ARHGAP10: variants seen among roughly 807,000 people sequenced by gnomAD.
The protein encoded by ARHGAP10 is rho GTPase-activating protein 10.
In ARHGAP10, 87 loss-of-function variants were observed where a neutral mutation model predicts 108.6. That is an observed-to-expected ratio of 0.80 (90% confidence interval 0.67 to 0.96). ARHGAP10 has a LOEUF of 0.96. Ranked by LOEUF, ARHGAP10 falls within the 40% of genes least tolerant of loss-of-function variation. The pLI is 0.00. For missense variants in ARHGAP10, 939 were observed against 954.5 expected (o/e 0.98, Z 0.21); for synonymous variants, 347 against 341.1 (o/e 1.02, Z -0.19).
rs572568347 is a variant in ARHGAP10 at position 148,063,263 on chromosome 4, T to A, written c.2143T>A (p.Ser715Thr). 6.2e-7 allele frequency: 1 copy of A among 1,614,126 alleles called. No individual in the cohort carries two copies. The highest frequency in any genetic ancestry group is 2.2e-5 in the East Asian group (1 of 44,872). ...ACCCGGGTCGTCCCCTTTCCCCTTTTCTCCTCCTGCTACTGTAGCGGACAA... is the reference window on the plus strand; with the variant it reads ...ACCCGGGTCGTCCCCTTTCCCCTTTACTCCTCCTGCTACTGTAGCGGACAA... ...LSPGSSPFPF[S>T]PPATVADKPP... The change falls in exon 21 of 23, where the codon TCT (serine) becomes ACT (threonine). Residue 715 changes from serine (S) to threonine (T), a missense_variant. Ser to Thr is a moderately conservative substitution (Grantham distance 58). Transcript: ENST00000336498.
intron 18 of ARHGAP10, among the ~76,000 whole-genome samples, chr4:148,013,548 C>T (rs1162802302): frequency 3.3e-5 from 5 of 152,052 alleles, no homozygotes; most frequent in Non-Finnish European, 7.4e-5. Context: ...ATTAGCCGGG[C>T]ATGGTGGCGG....
chr4:147,755,446 T>C lies in ARHGAP10; in HGVS notation c.154+22991T>C, dbSNP rs565663864. 5.3e-5 allele frequency among the ~76,000 whole-genome samples: 8 copies of C among 151,534 alleles called. No individual in the cohort carries two copies. In the East Asian group the frequency reaches 1.4e-3, roughly 26 times the overall value. Reference sequence around the variant, plus strand: ...GCTGAGGCAGGAGAATCGCTTGAACTCAGGAGGCGGAGGTTGCGGTGAGCC... The same window carrying C: ...GCTGAGGCAGGAGAATCGCTTGAACCCAGGAGGCGGAGGTTGCGGTGAGCC... On this transcript the variant is annotated intron_variant, in intron 1 of 22. Coordinates refer to ENST00000336498, the MANE Select transcript of ARHGAP10 (RefSeq NM_024605.4).
intron 22 of ARHGAP10, chr4:148,065,564 T>C (rs1729827434): frequency 6.6e-6 from 1 of 152,192 alleles, no homozygotes; most frequent in African/African-American, 2.4e-5. Context: ...CACCATAACA[T>C]ACATGCAGTT....
chr4:147,838,616 C>T (rs1180955799), intron 3 of ARHGAP10, among the ~76,000 whole-genome samples: 1 of 152,148 alleles, frequency 6.6e-6, no homozygotes, highest in Non-Finnish European at 1.5e-5. Context: ...TCCCTGCAGC[C>T]TCAACCTCTC....
intron 18 of ARHGAP10, among the ~76,000 whole-genome samples, chr4:147,971,776 C>T (rs1739414820): frequency 6.6e-6 from 1 of 152,112 alleles, no homozygotes; most frequent in Non-Finnish European, 1.5e-5. Context: ...TGGGGCCACT[C>T]ATAGTTTTCA....
chr4:147,853,389 T>G (rs1167464840), intron 4 of ARHGAP10, among the ~76,000 whole-genome samples: 1 of 152,244 alleles, frequency 6.6e-6, no homozygotes, highest in Non-Finnish European at 1.5e-5. Context: ...AGTCCAACAG[T>G]AAACATTATT....
chr4:148,045,057 C>T (rs1029142663), intron 19 of ARHGAP10, among the ~76,000 whole-genome samples: 1 of 152,186 alleles, frequency 6.6e-6, no homozygotes, highest in Non-Finnish European at 1.5e-5. Flanking sequence ...CCATCTCCCC[C>T]ACCCTCCCCG....
At chr4:147,961,611 C>T (rs1346810845) in intron 16 of ARHGAP10, among the ~76,000 whole-genome samples, 2 of 152,150 alleles carry the variant, frequency 1.3e-5, no homozygotes, top group African/African-American at 2.4e-5. Flanking sequence ...CTCTCTTTCC[C>T]ATTCTCTTGT....
rs115749446 is a variant in ARHGAP10 at position 147,984,203 on chromosome 4, G to A, written c.1716+17364G>A. Among the ~76,000 whole-genome samples, 895 of 152,260 alleles carry A rather than the reference G, an allele frequency of 5.9e-3. 14 individuals carry two copies. The highest frequency in any genetic ancestry group is 0.021 in the African/African-American group (863 of 41,548). ...GGCGCTTAAGAGTAATAGCTGCCTG[G>A]GGAATGGGCAGAGGGAGGCAACAGA... On this transcript the variant is annotated intron_variant, in intron 18 of 22. Transcript: ENST00000336498.
intron 1 of ARHGAP10, among the ~76,000 whole-genome samples, chr4:147,787,376 A>G (rs781779259): frequency 3.9e-5 from 6 of 152,098 alleles, no homozygotes; most frequent in East Asian, 1.9e-4. Context: ...CATGAACACA[A>G]CATCAGCAGG....
At chr4:148,047,938 T>G (rs1728959497) in intron 20 of ARHGAP10, among the ~76,000 whole-genome samples, 1 of 152,142 alleles carries the variant, frequency 6.6e-6, no homozygotes, top group Non-Finnish European at 1.5e-5. Context: ...TTCTCCTGCC[T>G]CAGCCTCCCA....
At chr4:147,839,108 C>G (rs896961103) in intron 3 of ARHGAP10, among the ~76,000 whole-genome samples, 1 of 137,556 alleles carries the variant, frequency 7.3e-6, no homozygotes, top group African/African-American at 2.8e-5. Context: ...ATCTATCTAT[C>G]TATCTATCTA....
At chr4:147,856,329 C>T (rs1734080043) in intron 4 of ARHGAP10, among the ~76,000 whole-genome samples, 1 of 152,004 alleles carries the variant, frequency 6.6e-6, no homozygotes, top group Non-Finnish European at 1.5e-5. Flanking sequence ...TATTTTAGGC[C>T]CTGTTGACCT....
chr4:147,751,661 C>G (rs1342815493), intron 1 of ARHGAP10, among the ~76,000 whole-genome samples: 1 of 151,948 alleles, frequency 6.6e-6, no homozygotes, highest in East Asian at 1.9e-4. Flanking sequence ...GCCACTGCAC[C>G]TGGCCTTTTT....
At chr4:147,857,725 T>C in intron 5 of ARHGAP10, 71 bp downstream of exon 5, 2 of 1,242,206 alleles carry the variant, frequency 1.6e-6, no homozygotes, top group South Asian at 4.1e-5. Context: ...AAAATGTGCT[T>C]TAATTTGGAT....
intron 13 of ARHGAP10, among the ~76,000 whole-genome samples, chr4:147,927,896 G>C (rs1737525049): frequency 6.6e-6 from 1 of 152,142 alleles, no homozygotes; most frequent in African/African-American, 2.4e-5. Context: ...GAGAGTGTGG[G>C]GCCCCAAAGG....
In ARHGAP10 at chr4:147,732,188, C is replaced by A; in HGVS notation, c.-114C>A. ...TGCCGCGCTCGCCGCGCGCCCGGGC[C>A]TGCTAGCTCCTCTGTGCTCCCTGAA... On this transcript the variant is annotated 5_prime_UTR_variant, in exon 1 of 23. The change creates a new upstream start codon in the 5' untranslated region. Transcript: ENST00000336498. 1 of 1,119,304 alleles carries A rather than the reference C, an allele frequency of 8.9e-7. No individual in the cohort carries two copies. Among genetic ancestry groups the A allele is most frequent in the Non-Finnish European group, 1.2e-6 (1 of 853,316 alleles). 69.3% of individuals were successfully genotyped at this position (1,119,304 alleles called of 1,614,324 possible).
intron 8 of ARHGAP10, among the ~76,000 whole-genome samples, chr4:147,877,207 A>G (rs1735107476): frequency 6.6e-6 from 1 of 151,932 alleles, no homozygotes; most frequent in Non-Finnish European, 1.5e-5. Context: ...AATAGACAGT[A>G]TCATCCTCTC....
At chr4:147,991,111 C>G (rs1560862547) in intron 18 of ARHGAP10, among the ~76,000 whole-genome samples, 2 of 147,478 alleles carry the variant, frequency 1.4e-5, no homozygotes, top group Admixed American at 6.8e-5. Flanking sequence ...CACAATTTGT[C>G]TATATAACAA....
Sources: allele counts gnomAD v4.1 joint callset (sites outside exome capture counted in the v4.1 genomes callset), GRCh38; gene constraint gnomAD v4.1.1; transcripts MANE v1.5; gene names NCBI Gene and HGNC (gene_info 2026-07-23, HGNC 2026-07-21).